DIP2A: variants seen among roughly 807,000 people sequenced by gnomAD.
The protein encoded by DIP2A is DIP2 acetate--CoA ligase A, also known as disco-interacting protein 2 homolog A.
A neutral mutation model predicts 177.4 loss-of-function variants in DIP2A; 85 were observed. The observed-to-expected ratio is 0.48, with a 90% CI of 0.40 to 0.57. DIP2A has a LOEUF of 0.57. DIP2A is among the 20% of genes least tolerant of loss of function. The probability of loss-of-function intolerance (pLI) is 0.00; values close to 1 mark genes in which losing one functional copy is unlikely to be tolerated. For missense variants in DIP2A, 1,791 were observed against 2,100.2 expected (o/e 0.85, Z 2.88); for synonymous variants, 886 against 881.8 (o/e 1.00, Z -0.08).
chr21:46,515,384 T>C lies in DIP2A; in HGVS notation c.1102+3770T>C, dbSNP rs544504280. 3.3e-4 allele frequency among the ~76,000 whole-genome samples: 50 copies of C among 152,224 alleles called. 1 individual carries two copies. In the South Asian group the frequency reaches 9.9e-3, roughly 30 times the overall value. On this transcript the variant is annotated intron_variant, in intron 8 of 37. Transcript: ENST00000417564. Reference sequence around the variant, plus strand: ...ATCACAGATTTTTATTCTTTAGTAATCCTTTTGCATGCCTGAGCCTTTCTC... The same window carrying C: ...ATCACAGATTTTTATTCTTTAGTAACCCTTTTGCATGCCTGAGCCTTTCTC...
At chr21:46,470,639 C>T (rs779429833) in intron 1 of DIP2A, among the ~76,000 whole-genome samples, 7 of 152,064 alleles carry the variant, frequency 4.6e-5, no homozygotes, top group East Asian at 1.9e-4. Flanking sequence ...GGTGTGGTGG[C>T]GCATGCCTGT....
intron 20 of DIP2A, 97 bp from the exon 21 acceptor site, chr21:46,546,818 G>A: frequency 2.1e-6 from 3 of 1,426,434 alleles, no homozygotes; most frequent in East Asian, 2.4e-5. Context: ...AGAGGCTCCT[G>A]TGCTGTTGGC....
intron 3 of DIP2A, among the ~76,000 whole-genome samples, chr21:46,491,500 A>C (rs1248639178): frequency 1.3e-5 from 2 of 152,252 alleles, no homozygotes; most frequent in Non-Finnish European, 2.9e-5. Flanking sequence ...CATTTATAAA[A>C]AACTTTATCA....
At chr21:46,486,981 T>C (rs2056738737) in intron 2 of DIP2A, among the ~76,000 whole-genome samples, 1 of 152,104 alleles carries the variant, frequency 6.6e-6, no homozygotes, top group African/African-American at 2.4e-5. Flanking sequence ...CAATACAAGC[T>C]TAAAAAAAGA....
At position 46,459,002 on chromosome 21, in the gene DIP2A, G is replaced by T; in HGVS notation, c.-130G>T. 1.3e-6 allele frequency: 1 copy of T among 746,270 alleles called. No individual in the cohort carries two copies. The highest frequency in any genetic ancestry group is 1.9e-6 in the Non-Finnish European group (1 of 517,212). The allele number at this position is 746,270 out of a possible 1,614,324, so 46.2% of individuals were successfully genotyped here. A position where few individuals can be genotyped will look rare whatever the true frequency, so the allele number is the denominator to read the frequency against. ...GCTGTCCTGGCCGCGCCCCTGTCCC[G>T]CCGCCTCCCGCTCCTCGCCTGGCGG... is the stretch of plus-strand genomic sequence containing the variant. On this transcript the variant is annotated 5_prime_UTR_variant, in exon 1 of 38. Coordinates refer to ENST00000417564, the MANE Select transcript of DIP2A (RefSeq NM_015151.4).
intron 6 of DIP2A, among the ~76,000 whole-genome samples, chr21:46,506,074 G>T (rs1224284033): frequency 6.6e-6 from 1 of 151,590 alleles, no homozygotes; most frequent in Non-Finnish European, 1.5e-5. Context: ...ATTTCTTTTG[G>T]GTCAATACCT....
At chr21:46,502,607 C>T (rs892497636) in intron 5 of DIP2A, among the ~76,000 whole-genome samples, 6 of 151,938 alleles carry the variant, frequency 3.9e-5, no homozygotes, top group Non-Finnish European at 8.8e-5. Context: ...ACCACCACGC[C>T]TGGATAATTT....
At chr21:46,539,830 TG>T in intron 16 of DIP2A, 46 bp from the exon 17 acceptor site, 1 of 1,481,932 alleles carries the variant, frequency 6.7e-7, no homozygotes, top group Non-Finnish European at 9.4e-7. Flanking sequence ...CCTTCCCTGC[TG>T]GCCCCCCAGT....
chr21:46,506,748 C>G (rs1490814797), intron 6 of DIP2A, among the ~76,000 whole-genome samples: 1 of 109,042 alleles, frequency 9.2e-6, no homozygotes, highest in Non-Finnish European at 1.9e-5. Context: ...TTCTTTCTTT[C>G]TTTCTTTCTT....
chr21:46,550,053 C>T (rs531409253), intron 22 of DIP2A, 168 bp downstream of exon 22: 233 of 1,421,520 alleles, frequency 1.6e-4, no homozygotes, highest in African/African-American at 2.6e-4. Context: ...TATGTATTTA[C>T]GGGATACAAA....
chr21:46,519,522 C>T (rs1003572396), intron 8 of DIP2A, among the ~76,000 whole-genome samples: 6 of 152,164 alleles, frequency 3.9e-5, no homozygotes, highest in African/African-American at 1.2e-4. Context: ...GGAGTGATGA[C>T]ATTCCTGCCT....
At chr21:46,546,330 A>G in intron 20 of DIP2A, 1 of 1,036,016 alleles carries the variant, frequency 9.7e-7, no homozygotes, top group Non-Finnish European at 1.2e-6. Flanking sequence ...TGTTTCTCTC[A>G]ACTGGGCAAT....
At chr21:46,489,648 G>C (rs2056894886) in intron 2 of DIP2A, among the ~76,000 whole-genome samples, 1 of 152,216 alleles carries the variant, frequency 6.6e-6, no homozygotes, top group South Asian at 2.1e-4. Context: ...CGTGGACTCT[G>C]CCTCTTCAGG....
intron 2 of DIP2A, among the ~76,000 whole-genome samples, chr21:46,489,824 AC>A (rs10714472): frequency 0.34 from 51,031 of 152,100 alleles, 9,123 homozygotes; most frequent in Middle Eastern, 0.44. Flanking sequence ...TTCAAATGAT[AC>A]CAGGGATTTT....
intron 18 of DIP2A, among the ~76,000 whole-genome samples, chr21:46,544,029 A>G (rs1436952935): frequency 1.3e-5 from 2 of 152,230 alleles, no homozygotes; most frequent in African/African-American, 4.8e-5. Flanking sequence ...AGCTGACCCA[A>G]TGGGTTAATT....
chr21:46,520,693 C>A (rs557259155), intron 8 of DIP2A, among the ~76,000 whole-genome samples: 1 of 152,328 alleles, frequency 6.6e-6, no homozygotes, highest in South Asian at 2.1e-4. Flanking sequence ...ACTTCTGTGA[C>A]ATGGAACAAT....
chr21:46,549,867 G>A lies in DIP2A; in HGVS notation c.2619G>A (p.Trp873Ter), dbSNP rs1466830708. Residue 873 changes from tryptophan to a stop codon, truncating the protein, a stop_gained, in exon 22 of 38, where the codon TGG (tryptophan) becomes TGA (stop). Coordinates refer to ENST00000417564, the MANE Select transcript of DIP2A (RefSeq NM_015151.4). LOFTEE classifies it high-confidence loss of function. Reference protein sequence around the residue: ...PDASEEDSFQWMSRVLQAIDS... With the variant: ...PDASEEDSFQ ...CCTCGGAGGAGGACAGCTTCCAGTG[G>A]ATGAGCCGTGTGCTGCAGGTGGGCG... 6.2e-7 allele frequency: 1 copy of A among 1,612,000 alleles called. No homozygotes were observed. The highest frequency in any genetic ancestry group is 8.5e-7 in the Non-Finnish European group (1 of 1,179,956).
the DIP2A span, among the ~76,000 whole-genome samples, chr21:46,576,111 G>A: frequency 6.6e-6 from 1 of 152,176 alleles, no homozygotes; most frequent in African/African-American, 2.4e-5. Context: ...GAAAGCAAGT[G>A]ACCCCCGATG....
intron 8 of DIP2A, among the ~76,000 whole-genome samples, chr21:46,517,183 T>C (rs2058623836): frequency 1.4e-5 from 2 of 145,818 alleles, no homozygotes; most frequent in African/African-American, 5.1e-5. Flanking sequence ...CACCACAGCC[T>C]CCTGAGTAGC....
Sources: allele counts gnomAD v4.1 joint callset (sites outside exome capture counted in the v4.1 genomes callset), GRCh38; gene constraint gnomAD v4.1.1; transcripts MANE v1.5; gene names NCBI Gene and HGNC (gene_info 2026-07-23, HGNC 2026-07-21).